NSMCE2: variants seen among roughly 807,000 people sequenced by gnomAD.
NSMCE2 encodes E3 SUMO-protein ligase NSE2.
In NSMCE2, 24 loss-of-function variants were observed where a neutral mutation model predicts 23.8. The ratio of observed to expected loss-of-function variants is 1.01; its 90% CI spans 0.73 to 1.42. The LOEUF is 1.42. Ranked by LOEUF, NSMCE2 falls within the 40% of genes most tolerant of loss-of-function variation. NSMCE2 has a pLI of 0.00. For synonymous variants in NSMCE2, 92 were observed against 94.1 expected, an observed-to-expected ratio of 0.98 and a Z score of 0.13; for missense variants, 284 against 296.5, an observed-to-expected ratio of 0.96 and a Z score of 0.31.
At chr8:125,099,728 A>C (rs1478907827) in intron 1 of NSMCE2, among the ~76,000 whole-genome samples, 1 of 152,068 alleles carries the variant, frequency 6.6e-6, no homozygotes, top group Non-Finnish European at 1.5e-5. Context: ...ATGGAACCCT[A>C]GTGGGGGTGG....
intron 3 of NSMCE2, among the ~76,000 whole-genome samples, chr8:125,136,021 G>A (rs1409705654): frequency 6.6e-6 from 1 of 152,162 alleles, no homozygotes; most frequent in Non-Finnish European, 1.5e-5. Context: ...CATTTATATG[G>A]CTTACCTTGT....
chr8:125,273,795 G>A (rs940550154), intron 5 of NSMCE2, among the ~76,000 whole-genome samples: 3 of 152,174 alleles, frequency 2.0e-5, no homozygotes, highest in African/African-American at 7.2e-5. Context: ...GGGGTCAACA[G>A]GTGTCCTTCT....
chr8:125,347,320 C>T (rs1358478747), intron 5 of NSMCE2, among the ~76,000 whole-genome samples: 1 of 152,120 alleles, frequency 6.6e-6, no homozygotes, highest in Non-Finnish European at 1.5e-5. Context: ...TCTCAATATC[C>T]TTCCCTCTTC....
chr8:125,103,568 T>A (rs1192247530), intron 3 of NSMCE2, among the ~76,000 whole-genome samples: 2 of 152,220 alleles, frequency 1.3e-5, no homozygotes, highest in Non-Finnish European at 2.9e-5. Context: ...TATATTTTTT[T>A]AATTCCTCTG....
intron 3 of NSMCE2, among the ~76,000 whole-genome samples, chr8:125,122,223 G>A (rs577791870): frequency 6.7e-6 from 1 of 148,890 alleles, no homozygotes; most frequent in South Asian, 2.1e-4. Flanking sequence ...AATGTACTAT[G>A]CTAGAAATAC....
chr8:125,118,770 T>C (rs1819138591), intron 3 of NSMCE2, among the ~76,000 whole-genome samples: 1 of 152,218 alleles, frequency 6.6e-6, no homozygotes, highest in African/African-American at 2.4e-5. Context: ...CTTCCAGGAA[T>C]GAGGACTATA....
At chr8:125,341,470 T>TTG (rs1181445980) in intron 5 of NSMCE2, among the ~76,000 whole-genome samples, 1 of 152,224 alleles carries the variant, frequency 6.6e-6, no homozygotes, top group Non-Finnish European at 1.5e-5. Flanking sequence ...CCCGTAGGCT[T>TTG]TGAAAATGCG....
At chr8:125,153,600 A>G (rs1364875618) in intron 4 of NSMCE2, among the ~76,000 whole-genome samples, 7 of 152,166 alleles carry the variant, frequency 4.6e-5, no homozygotes, top group Admixed American at 6.5e-5. Context: ...AGAAATAGCA[A>G]TGGTCTAGGG....
In NSMCE2 at chr8:125,167,566, C is replaced by T. The variant is rs1282088222; in HGVS notation, c.265-14537C>T. 3.3e-5 allele frequency among the ~76,000 whole-genome samples: 5 copies of T among 151,522 alleles called. No homozygotes were observed. The East Asian group carries it at 7.8e-4, about 24-fold the overall frequency. Reference sequence around the variant, plus strand: ...ACGAGAATCACTTGAACCCAGGAGGCGTAGGTTGCAGTGAGCTGAGATCGT... The same window carrying T: ...ACGAGAATCACTTGAACCCAGGAGGTGTAGGTTGCAGTGAGCTGAGATCGT... On this transcript the variant is annotated intron_variant, in intron 4 of 7. Transcript: ENST00000287437.
At chr8:125,146,850 A>G (rs1820704363) in intron 3 of NSMCE2, among the ~76,000 whole-genome samples, 2 of 152,134 alleles carry the variant, frequency 1.3e-5, no homozygotes, top group Non-Finnish European at 2.9e-5. Flanking sequence ...TACATATGTA[A>G]CAGACCTGCA....
rs762071582 is a variant in NSMCE2, at chr8:125,102,359, G to T, written c.29G>T (p.Gly10Val). 2 of 1,613,720 alleles carry T rather than the reference G, an allele frequency of 1.2e-6. No individual in the cohort carries two copies. The highest frequency in any genetic ancestry group is 2.2e-5 in the East Asian group (1 of 44,866). The stretch of plus-strand genomic sequence containing the variant: ...CCAGGACGTTCCAGTTCAAATTCAG[G>T]TTCAACTGGTTTCATCTCCTTCAGT... MPGRSSSNS[G>V]STGFISFSGV... Residue 10 changes from glycine to valine, a missense_variant, in exon 3 of 8, where the codon GGT becomes GTT. Physicochemically the swap from Gly to Val is moderately radical, Grantham distance 109 (BLOSUM62 -3). This residue lies in a region of NSMCE2 where 182 missense variants were observed against 155.5 expected (regional missense o/e 1.17). Transcript: ENST00000287437.
At chr8:125,259,519 C>T (rs1035563946) in intron 5 of NSMCE2, among the ~76,000 whole-genome samples, 2 of 152,140 alleles carry the variant, frequency 1.3e-5, no homozygotes, top group African/African-American at 2.4e-5. Context: ...CCTCCCTACC[C>T]CTGCCCCCAC....
At chr8:125,145,073 A>T (rs375400013) in intron 3 of NSMCE2, among the ~76,000 whole-genome samples, 1 of 152,090 alleles carries the variant, frequency 6.6e-6, no homozygotes, top group East Asian at 1.9e-4. Context: ...AGAGCACTTC[A>T]CTCTAAAAAG....
intron 5 of NSMCE2, among the ~76,000 whole-genome samples, chr8:125,217,339 A>T (rs1417320386): frequency 6.7e-6 from 1 of 149,380 alleles, no homozygotes; most frequent in East Asian, 2.0e-4. Flanking sequence ...AAAAAATTTT[A>T]TTTATTTATT....
chr8:125,287,630 C>T (rs1372090254), intron 5 of NSMCE2, among the ~76,000 whole-genome samples: 1 of 152,202 alleles, frequency 6.6e-6, no homozygotes, highest in East Asian at 1.9e-4. Context: ...AGGCTACAAA[C>T]CCACTCAACC....
At chr8:125,268,181 C>A (rs145295443) in intron 5 of NSMCE2, among the ~76,000 whole-genome samples, 3,328 of 151,870 alleles carry the variant, frequency 0.022, 115 homozygotes, top group African/African-American at 0.076. Context: ...CTGCGGTGAA[C>A]CATGATCACA....
At chr8:125,158,278 G>T (rs75992477) in intron 4 of NSMCE2, among the ~76,000 whole-genome samples, 4,747 of 152,138 alleles carry the variant, frequency 0.031, 248 homozygotes, top group African/African-American at 0.11. Context: ...TTTCTCCATT[G>T]CATTACTCCA....
intron 3 of NSMCE2, among the ~76,000 whole-genome samples, chr8:125,106,741 A>ATTAC (rs1818478298): frequency 6.6e-6 from 1 of 151,750 alleles, no homozygotes; most frequent in Non-Finnish European, 1.5e-5. Flanking sequence ...CACACTTGTA[A>ATTAC]TCCTAGCACT....
chr8:125,365,235 T>C (rs1813727219), intron 7 of NSMCE2, among the ~76,000 whole-genome samples: 1 of 152,152 alleles, frequency 6.6e-6, no homozygotes, highest in African/African-American at 2.4e-5. Flanking sequence ...CGTTTCCCAC[T>C]GTGATGAAGG....
Sources: gnomAD v4.1 joint callset for allele counts (sites outside exome capture counted in the v4.1 genomes callset) on GRCh38, gnomAD v4.1.1 for gene constraint, gnomAD v4.1.1 regional missense constraint, MANE v1.5 for transcripts, NCBI Gene and HGNC (gene_info 2026-07-23, HGNC 2026-07-21) for gene names.